MEN1: variants seen among roughly 807,000 people sequenced by gnomAD.
MEN1 encodes menin.
Under a neutral mutation model 58.0 loss-of-function variants are expected in MEN1, and 6 were observed. The observed-to-expected ratio is 0.10, with a 90% CI of 0.06 to 0.20. The LOEUF is 0.20. Ranked by LOEUF, MEN1 falls within the 10% of genes least tolerant of loss-of-function variation. The probability of loss-of-function intolerance (pLI) is 1.00; values close to 1 mark genes in which losing one functional copy is unlikely to be tolerated. For synonymous variants in MEN1, 346 were observed against 350.7 expected, an observed-to-expected ratio of 0.99 and a Z score of 0.15; for missense variants, 492 against 818.5, an observed-to-expected ratio of 0.60 and a Z score of 4.87.
In MEN1 at chr11:64,809,880, T is replaced by C. The variant is rs1592659269; in HGVS notation, c.230A>G (p.Tyr77Cys). ...PAPDPPGGLT[Y>C]FPVADLSIIA... is the part of the protein sequence containing the mutation. ...GATAGACAGGTCGGCCACGGGAAAG[T>C]AGGTGAGGCCGCCAGGCGGGTCGGG... Residue 77 changes from tyrosine (Y) to cysteine (C), a missense_variant, in exon 2 of 10, where the codon TAC becomes TGC. By Grantham distance (194) the Tyr-to-Cys change is radical. Around this residue, in one of 5 missense-constraint regions of MEN1, gnomAD observed 335 missense variants for 550.3 expected, o/e 0.61. Transcript: ENST00000450708. The C allele has an allele frequency of 6.3e-7, 1 of 1,589,666 alleles. No individual in the cohort carries two copies. Among genetic ancestry groups the C allele is most frequent in the Non-Finnish European group, 8.5e-7 (1 of 1,170,518 alleles).
Position 64,804,883 on chromosome 11 carries a change from G to T in MEN1, c.1351-67C>A, listed in dbSNP as rs1941583764. 6.3e-6 allele frequency: 10 copies of T among 1,596,112 alleles called. No homozygotes were observed. In the South Asian group the frequency reaches 9.9e-5, roughly 16 times the overall value. On this transcript the variant is annotated intron_variant, in intron 9 of 9. Transcript: ENST00000450708. The surrounding 1 kb of genome is among the most constrained non-coding windows in gnomAD (Gnocchi z 4.2). Reference sequence around the variant, plus strand: ...CCAGTGGCTGGAACTCCAGGACCCTGCTCTGGCCATCCCATCCCACCCAGG... The same window carrying T: ...CCAGTGGCTGGAACTCCAGGACCCTTCTCTGGCCATCCCATCCCACCCAGG...
chr11:64,807,738 G>A lies in MEN1; in HGVS notation c.655-58C>T. On this transcript the variant is annotated intron_variant, in intron 3 of 9. Transcript: ENST00000450708. The surrounding 1 kb of genome is among the most constrained non-coding windows in gnomAD (Gnocchi z 4.9). Reference sequence around the variant, plus strand: ...ATGGCCCACCCTGTGCCTGCTTCAGGGAATGACAGCCAGGAAAAGGGGCTC... The same window carrying A: ...ATGGCCCACCCTGTGCCTGCTTCAGAGAATGACAGCCAGGAAAAGGGGCTC... The A allele has an allele frequency of 1.2e-6, 2 of 1,613,640 alleles. No homozygotes were observed. The highest frequency in any genetic ancestry group is 2.2e-5 in the South Asian group (2 of 91,018).
chr11:64,803,690 T>C lies in MEN1; in HGVS notation c.*644A>G, dbSNP rs1033225242. 1 of 241,646 alleles carries C rather than the reference T, an allele frequency of 4.1e-6. No homozygotes were observed. The highest frequency in any genetic ancestry group is 6.0e-5 in the East Asian group (1 of 16,758). The allele number at this position is 241,646 out of a possible 1,614,324, so 15.0% of individuals were successfully genotyped here. On this transcript the variant is annotated 3_prime_UTR_variant, in exon 10 of 10. Transcript: ENST00000450708. ...TCCCAGAGGGTCGGAAGGGAGGTCC[T>C]GCTCTGATCCGGGGCCAGTTTCGTC...
rs765943168 is a variant in MEN1 at position 64,804,825 on chromosome 11, GT to G, written c.1351-10del. 6.3e-7 allele frequency: 1 copy of G among 1,596,908 alleles called. No individual in the cohort carries two copies. The highest frequency in any genetic ancestry group is 1.1e-5 in the South Asian group (1 of 91,012). On this transcript the variant is annotated splice_polypyrimidine_tract_variant and intron_variant, in intron 9 of 9. Coordinates refer to ENST00000450708, the MANE Select transcript of MEN1 (RefSeq NM_001370259.2). This position sits in a 1 kb window ranked among gnomAD's most constrained non-coding sequence, Gnocchi z 4.2. ...CGCACCTTCTGCCGCACCTGGGCCAGTGGGGAGAGCAAGGTGAGAGCAAGGT... is the reference window on the plus strand; with the variant it reads ...CGCACCTTCTGCCGCACCTGGGCCAGGGGGAGAGCAAGGTGAGAGCAAGGT...
At chr11:64,806,853 C>T (rs1349348343) in intron 6 of MEN1, among the ~76,000 whole-genome samples, 158 bp downstream of exon 6, 3 of 152,202 alleles carry the variant, frequency 2.0e-5, no homozygotes, top group Non-Finnish European at 4.4e-5. Flanking sequence ...CCTCAGACAG[C>T]CCTGACTGAA....
rs2136080241 is a variant in MEN1, at chr11:64,804,477, G to A, written c.1690C>T (p.Leu564=). 1.2e-6 allele frequency: 2 copies of A among 1,614,038 alleles called. No homozygotes were observed. The highest frequency in any genetic ancestry group is 1.7e-6 in the Non-Finnish European group (2 of 1,180,010). ...GAGTTGATCTTGGTGGCCACCAGCAGCTCCTTCATGCCCTTCATCTTCTCA... is the reference window on the plus strand; with the variant it reads ...GAGTTGATCTTGGTGGCCACCAGCAACTCCTTCATGCCCTTCATCTTCTCA... ...QSEKMKGMKE[L]LVATKINSSA... Residue 564 remains leucine, a synonymous_variant, in exon 10 of 10, where the codon CTG becomes TTG. Coordinates refer to ENST00000450708, the MANE Select transcript of MEN1 (RefSeq NM_001370259.2). The surrounding 1 kb of genome is among the most constrained non-coding windows in gnomAD (Gnocchi z 4.2).
rs376598079 is a variant in MEN1 at position 64,805,097 on chromosome 11, C to A, written c.1287G>T (p.Thr429=). The A allele has an allele frequency of 6.2e-6, 10 of 1,614,160 alleles. No homozygotes were observed. In the East Asian group the frequency reaches 2.2e-4, roughly 36 times the overall value. ...GICKWEEGSP[T]PVLHVGWATF... ...TGGCCCAGCCCACATGCAGCACAGG[C>A]GTGGGACTGCCCTCCTCCCATTTGC... is the stretch of plus-strand genomic sequence containing the variant. Residue 429 remains threonine (T), a synonymous_variant, in exon 9 of 10, where the codon ACG becomes ACT. Coordinates refer to ENST00000450708, the MANE Select transcript of MEN1 (RefSeq NM_001370259.2).
intron 2 of MEN1, among the ~76,000 whole-genome samples, chr11:64,808,789 C>A (rs1009434378): frequency 1.3e-5 from 2 of 149,682 alleles, no homozygotes; most frequent in African/African-American, 4.9e-5. Flanking sequence ...ACTAAAAATC[C>A]AAAAAAAAAT....
intron 8 of MEN1, among the ~76,000 whole-genome samples, 169 bp downstream of exon 8, chr11:64,805,466 T>C (rs992662905): frequency 6.6e-6 from 1 of 152,128 alleles, no homozygotes; most frequent in African/African-American, 2.4e-5. Flanking sequence ...TTCAGTCCCG[T>C]CCAACGTGGG....
Position 64,804,964 on chromosome 11 carries a change from A to G in MEN1, c.1350+70T>C, listed in dbSNP as rs1160276458. The G allele has an allele frequency of 1.5e-5, 24 of 1,603,720 alleles. No individual in the cohort carries two copies. In the East Asian group the frequency reaches 5.3e-4, roughly 36 times the overall value. ...TGGGCAGATGCTGCCCCTGGGCCAG[A>G]AAAGTCTGACAAGCCCGTGGCTGCT... On this transcript the variant is annotated intron_variant, in intron 9 of 9. Coordinates refer to ENST00000450708, the MANE Select transcript of MEN1 (RefSeq NM_001370259.2). This position sits in a 1 kb window ranked among gnomAD's most constrained non-coding sequence, Gnocchi z 4.2.
Position 64,804,961 on chromosome 11 carries a change from C to T in MEN1, c.1350+73G>A. On this transcript the variant is annotated intron_variant, in intron 9 of 9. Coordinates refer to ENST00000450708, the MANE Select transcript of MEN1 (RefSeq NM_001370259.2). The surrounding 1 kb of genome is among the most constrained non-coding windows in gnomAD (Gnocchi z 4.2). ...GGATGGGCAGATGCTGCCCCTGGGC[C>T]AGAAAAGTCTGACAAGCCCGTGGCT... 6.2e-7 allele frequency: 1 copy of T among 1,603,006 alleles called. No individual in the cohort carries two copies. Among genetic ancestry groups the T allele is most frequent in the Non-Finnish European group, 8.5e-7 (1 of 1,179,294 alleles).
chr11:64,807,873 G>T lies in MEN1; in HGVS notation c.654+18C>A, dbSNP rs180737290. The T allele has an allele frequency of 6.2e-6, 10 of 1,613,022 alleles. No individual in the cohort carries two copies. Among genetic ancestry groups the T allele is most frequent in the Admixed American group, 1.7e-5 (1 of 59,984 alleles). On this transcript the variant is annotated intron_variant, in intron 3 of 9. Transcript: ENST00000450708. The surrounding 1 kb of genome is among the most constrained non-coding windows in gnomAD (Gnocchi z 4.9). ...ACTACAGTATGAAGGGGACAAGGCTGGGGGGAGGGAACAATACCCGCTCAG... is the reference window on the plus strand; with the variant it reads ...ACTACAGTATGAAGGGGACAAGGCTTGGGGGAGGGAACAATACCCGCTCAG...
At chr11:64,810,337 C>T (rs1942048000) in intron 1 of MEN1, 177 bp downstream of exon 1, 1 of 579,656 alleles carries the variant, frequency 1.7e-6, no homozygotes, top group South Asian at 2.1e-5. Context: ...CCCACAATTC[C>T]GGGACGCCCG....
Position 64,809,810 on chromosome 11 carries a change from G to C in MEN1, c.300C>G (p.Ala100=), listed in dbSNP as rs773136972. The C allele has an allele frequency of 1.4e-5, 23 of 1,613,754 alleles. No homozygotes were observed. Among genetic ancestry groups the C allele is most frequent in the Non-Finnish European group, 1.9e-5 (23 of 1,179,924 alleles). The change falls in exon 2 of 10, where the codon GCC becomes GCG. Residue 100 remains alanine, a synonymous_variant. Transcript: ENST00000450708. ...CTCGAGGATAGAGGGACAGGTCGAC[G>C]GCGCCTCGGATCTGGGCGGTGAAGC... The part of the protein sequence containing the change: ...YARFTAQIRG[A]VDLSLYPREG...
chr11:64,807,219 T>G lies in MEN1; in HGVS notation c.784A>C (p.Lys262Gln). The change falls in exon 5 of 10, where the codon AAG becomes CAG. Residue 262 changes from lysine (K) to glutamine (Q), a missense_variant and splice_region_variant. By Grantham distance (53) the Lys-to-Gln change is moderately conservative. Coordinates refer to ENST00000450708, the MANE Select transcript of MEN1 (RefSeq NM_001370259.2). The surrounding 1 kb of genome is among the most constrained non-coding windows in gnomAD (Gnocchi z 4.9). ...AGGTCATAGAGCAGCCAGAGCAGCT[T>G]CTAGGAGCCGAAGGAGAGAGTTATG... Reference protein sequence around the residue: ...DSLELLQLQQKLLWLLYDLGH... With the variant: ...DSLELLQLQQQLLWLLYDLGH... 6.2e-7 allele frequency: 1 copy of G among 1,613,232 alleles called. No individual in the cohort carries two copies. Among genetic ancestry groups the G allele is most frequent in the Non-Finnish European group, 8.5e-7 (1 of 1,179,862 alleles).
intron 2 of MEN1, among the ~76,000 whole-genome samples, chr11:64,809,108 A>G (rs983672998): frequency 1.3e-5 from 2 of 151,740 alleles, no homozygotes; most frequent in African/African-American, 4.8e-5. Context: ...CAAAAAAAAT[A>G]CAAAAAATTA....
Position 64,807,343 on chromosome 11 carries a change from C to T in MEN1, c.784-124G>A. 1 of 1,197,934 alleles carries T rather than the reference C, an allele frequency of 8.3e-7. No individual in the cohort carries two copies. The highest frequency in any genetic ancestry group is 1.3e-5 in the South Asian group (1 of 77,312). 74.2% of individuals were successfully genotyped at this position (1,197,934 alleles called of 1,614,324 possible). On this transcript the variant is annotated intron_variant, in intron 4 of 9. Transcript: ENST00000450708. The surrounding 1 kb of genome is among the most constrained non-coding windows in gnomAD (Gnocchi z 4.9). The stretch of plus-strand genomic sequence containing the variant: ...CCCACCATGTGGAAGGGCCAAAATT[C>T]TGGGACCAGCCCTTTAATGGAGTCA...
At chr11:64,809,550 A>G in intron 2 of MEN1, 115 bp downstream of exon 2, 1 of 1,339,640 alleles carries the variant, frequency 7.5e-7, no homozygotes, top group East Asian at 2.3e-5. Flanking sequence ...TGCAAAGAGG[A>G]AAATAACACC....
rs757821521 is a variant in MEN1, at chr11:64,810,095, G to T, written c.15C>A (p.Ala5=). ...GCAGCGGGAACAGCGTCTTCTGGGC[G>T]GCCTTCAGCCCCATGGCGGCGGGCG... The part of the protein sequence containing the change: MGLK[A]AQKTLFPLRS... Residue 5 remains alanine (A), a synonymous_variant, in exon 2 of 10, where the codon GCC becomes GCA. Transcript: ENST00000450708. The T allele has an allele frequency of 1.3e-6, 2 of 1,595,884 alleles. No homozygotes were observed. Among genetic ancestry groups the T allele is most frequent in the Non-Finnish European group, 1.7e-6 (2 of 1,174,294 alleles).
Sources: gnomAD v4.1 joint callset for allele counts (sites outside exome capture counted in the v4.1 genomes callset) on GRCh38, gnomAD v4.1.1 for gene constraint, gnomAD v4.1.1 regional missense constraint, Gnocchi (gnomAD v3.1) non-coding constraint, MANE v1.5 for transcripts, NCBI Gene and HGNC (gene_info 2026-07-23, HGNC 2026-07-21) for gene names.